Variants in TRIM45 observed in about 807,000 individuals in gnomAD.
TRIM45 encodes tripartite motif containing 45.
Under a neutral mutation model 46.7 loss-of-function variants are expected in TRIM45, and 45 were observed. The observed-to-expected ratio is 0.96, with a 90% confidence interval of 0.76 to 1.24. TRIM45 has a LOEUF of 1.24. Among genes scored for constraint, TRIM45 ranks in the 50% most tolerant of loss-of-function variants. TRIM45 has a pLI of 0.00. For synonymous variants in TRIM45, 259 were observed against 285.8 expected, an observed-to-expected ratio of 0.91 and a Z score of 0.94; for missense variants, 680 against 728.4, an observed-to-expected ratio of 0.93 and a Z score of 0.77.
chr1:117,120,729 CAGAAGTGGCAG>C lies in TRIM45; in HGVS notation c.462_472del (p.Cys155LeufsTer5). 1.2e-6 allele frequency: 2 copies of C among 1,607,220 alleles called. No homozygotes were observed. Among genetic ancestry groups the C allele is most frequent in the Non-Finnish European group, 1.7e-6 (2 of 1,175,866 alleles). On this transcript the variant is annotated frameshift_variant, in exon 1 of 6. Transcript: ENST00000256649. LOFTEE classifies it high-confidence loss of function. ...CCATCTTTACCTATGAGCCTGGCAG[CAGAAGTGGCAG>C]AGGTTGGCTTTGCAGGTCTGACACC...
chr1:117,119,294 A>G (rs1275117242), intron 1 of TRIM45, among the ~76,000 whole-genome samples: 1 of 152,216 alleles, frequency 6.6e-6, no homozygotes, highest in East Asian at 1.9e-4. Context: ...TTCAAGAGAC[A>G]TCGTCAACAT....
At position 117,120,721 on chromosome 1, in the gene TRIM45, C is replaced by T. The variant is rs753686749; in HGVS notation, c.481G>A (p.Ala161Thr). The change falls in exon 1 of 6, where the codon GCT becomes ACT. Residue 161 changes from alanine to threonine, a missense_variant. Ala to Thr is a moderately conservative substitution (Grantham distance 58). This residue lies in a region of TRIM45 where 349 missense variants were observed against 343.6 expected (regional missense o/e 1.02). Transcript: ENST00000256649. ...KANLCHFCCQAHRRQKKTTYH... is the reference protein window; with the variant it reads ...KANLCHFCCQTHRRQKKTTYH... ...GGAGTGTCCCATCTTTACCTATGAG[C>T]CTGGCAGCAGAAGTGGCAGAGGTTG... 4 of 1,603,564 alleles carry T rather than the reference C, an allele frequency of 2.5e-6. No homozygotes were observed. The highest frequency in any genetic ancestry group is 1.7e-4 in the Middle Eastern group (1 of 6,032).
At position 117,117,577 on chromosome 1, in the gene TRIM45, T is replaced by C. The variant is rs1650448227; in HGVS notation, c.1222+457A>G. Reference sequence around the variant, plus strand: ...CTTTTAAATGCCAGTAAAGTTGATGTGAACCAAAAAGGGCCTAAAGGAAAG... The same window carrying C: ...CTTTTAAATGCCAGTAAAGTTGATGCGAACCAAAAAGGGCCTAAAGGAAAG... On this transcript the variant is annotated intron_variant, in intron 2 of 5. Coordinates refer to ENST00000256649, the MANE Select transcript of TRIM45 (RefSeq NM_025188.4). The surrounding 1 kb of genome is among the most constrained non-coding windows in gnomAD (Gnocchi z 4.9). 6.6e-6 allele frequency among the ~76,000 whole-genome samples: 1 copy of C among 152,192 alleles called. No individual in the cohort carries two copies. Among genetic ancestry groups the C allele is most frequent in the Non-Finnish European group, 1.5e-5 (1 of 68,038 alleles).
In TRIM45 at chr1:117,113,421, C is replaced by T. The variant is rs1409211803; in HGVS notation, c.1532G>A (p.Cys511Tyr). Residue 511 changes from cysteine to tyrosine, a missense_variant, in exon 5 of 6, where the codon TGC becomes TAC. Physicochemically the swap from Cys to Tyr is radical, Grantham distance 194 (BLOSUM62 -2). Around this residue, in one of 3 missense-constraint regions of TRIM45, gnomAD observed 322 missense variants for 359.3 expected, o/e 0.90. Transcript: ENST00000256649. The surrounding 1 kb of genome is among the most constrained non-coding windows in gnomAD (Gnocchi z 4.0). ...CTGGCCCCCGCTGGAGCAGAAGGTG[C>T]AGCAGTGAAACACGCCTGAGTGTGG... Reference protein sequence around the residue: ...HRPHSGVFHCCTFCSSGGQKT... With the variant: ...HRPHSGVFHCYTFCSSGGQKT... The T allele has an allele frequency of 3.7e-5, 59 of 1,612,434 alleles. No homozygotes were observed. The highest frequency in any genetic ancestry group is 4.7e-5 in the Non-Finnish European group (56 of 1,179,988).
In TRIM45 at chr1:117,113,299, G is replaced by A. The variant is rs1483569002; in HGVS notation, c.1594+60C>T. Reference sequence around the variant, plus strand: ...TCTAGTGGCTGTGTGGTAGGGAAGGGCCCGTCGCTTGATTCCCACTGCTGG... The same window carrying A: ...TCTAGTGGCTGTGTGGTAGGGAAGGACCCGTCGCTTGATTCCCACTGCTGG... On this transcript the variant is annotated intron_variant, in intron 5 of 5. Transcript: ENST00000256649. The surrounding 1 kb of genome is among the most constrained non-coding windows in gnomAD (Gnocchi z 4.0). The A allele has an allele frequency of 1.3e-6, 2 of 1,592,378 alleles. No homozygotes were observed. Among genetic ancestry groups the A allele is most frequent in the African/African-American group, 2.7e-5 (2 of 74,638 alleles).
In TRIM45 at chr1:117,121,113, G is replaced by A. The variant is rs1223225596; in HGVS notation, c.89C>T (p.Pro30Leu). Residue 30 changes from proline to leucine, a missense_variant, in exon 1 of 6, where the codon CCC (proline) becomes CTC (leucine). By Grantham distance (98) the Pro-to-Leu change is moderately conservative. This residue lies in a region of TRIM45 where 349 missense variants were observed against 343.6 expected (regional missense o/e 1.02). Coordinates refer to ENST00000256649, the MANE Select transcript of TRIM45 (RefSeq NM_025188.4). The surrounding 1 kb of genome is among the most constrained non-coding windows in gnomAD (Gnocchi z 4.2). The part of the protein sequence containing the change: ...ALGNSGKTHC[P>L]LCLGLFKAPR... ...GGCTTTGAAAAGCCCCAAGCACAGGGGGCAGTGAGTCTTGCCTGAGTTCCC... is the reference window on the plus strand; with the variant it reads ...GGCTTTGAAAAGCCCCAAGCACAGGAGGCAGTGAGTCTTGCCTGAGTTCCC... The A allele has an allele frequency of 6.2e-7, 1 of 1,613,158 alleles. No individual in the cohort carries two copies. Among genetic ancestry groups the A allele is most frequent in the African/African-American group, 1.3e-5 (1 of 74,920 alleles).
chr1:117,118,546 G>C lies in TRIM45; in HGVS notation c.710C>G (p.Ser237Cys). The C allele has an allele frequency of 1.9e-6, 3 of 1,614,200 alleles. No homozygotes were observed. Among genetic ancestry groups the C allele is most frequent in the Middle Eastern group, 1.6e-4 (1 of 6,062 alleles). The change falls in exon 2 of 6, where the codon TCT becomes TGT. Residue 237 changes from serine to cysteine, a missense_variant. Physicochemically the swap from Ser to Cys is moderately radical, Grantham distance 112. This residue lies in a region of TRIM45 where 349 missense variants were observed against 343.6 expected (regional missense o/e 1.02). Coordinates refer to ENST00000256649, the MANE Select transcript of TRIM45 (RefSeq NM_025188.4). This position sits in a 1 kb window ranked among gnomAD's most constrained non-coding sequence, Gnocchi z 5.7. ...AGTACCTTTGAGGAGCTCCCACACA[G>C]AGTCCCCATGCTTGTGGATGACATT... ...TSNVIHKHGD[S>C]VWELLKGTQP...
chr1:117,112,239 G>C lies in TRIM45; in HGVS notation c.*66C>G. On this transcript the variant is annotated 3_prime_UTR_variant, in exon 6 of 6. Transcript: ENST00000256649. ...TATCAGTCTCTTTAGAATGAACGAA[G>C]GTCTGGGTCCTCTGGAAATCTCAAG... 1 of 1,432,604 alleles carries C rather than the reference G, an allele frequency of 7.0e-7. No homozygotes were observed. The highest frequency in any genetic ancestry group is 9.2e-7 in the Non-Finnish European group (1 of 1,085,956). 88.7% of individuals were successfully genotyped at this position (1,432,604 alleles called of 1,614,324 possible).
rs1336231810 is a variant in TRIM45 at position 117,117,293 on chromosome 1, G to A, written c.1223-548C>T. 6.6e-6 allele frequency among the ~76,000 whole-genome samples: 1 copy of A among 152,158 alleles called. No individual in the cohort carries two copies. The highest frequency in any genetic ancestry group is 1.5e-5 in the Non-Finnish European group (1 of 68,034). ...TTCATGAACTACTATGAGGTCTATGGAAAGGCTTATGAAGAGTCTAAAAAT... is the reference window on the plus strand; with the variant it reads ...TTCATGAACTACTATGAGGTCTATGAAAAGGCTTATGAAGAGTCTAAAAAT... On this transcript the variant is annotated intron_variant, in intron 2 of 5. Transcript: ENST00000256649. The surrounding 1 kb of genome is among the most constrained non-coding windows in gnomAD (Gnocchi z 4.9).
In TRIM45 at chr1:117,118,422, C is replaced by G. The variant is rs770945830; in HGVS notation, c.834G>C (p.Arg278=). 6 of 1,614,180 alleles carry G rather than the reference C, an allele frequency of 3.7e-6. No individual in the cohort carries two copies. The highest frequency in any genetic ancestry group is 4.2e-6 in the Non-Finnish European group (5 of 1,180,036). ...CCTTAATGTAGCCCTCCGAGAATGT[C>G]CGGACATCAGCTGCCACTGCCTCCA... ...KRVEAVAADV[R]TFSEGYIKAI... Residue 278 remains arginine, a synonymous_variant, in exon 2 of 6, where the codon CGG becomes CGC. Coordinates refer to ENST00000256649, the MANE Select transcript of TRIM45 (RefSeq NM_025188.4). This position sits in a 1 kb window ranked among gnomAD's most constrained non-coding sequence, Gnocchi z 5.7.
rs1234274355 is a variant in TRIM45 at position 117,117,545 on chromosome 1, C to T, written c.1222+489G>A. On this transcript the variant is annotated intron_variant, in intron 2 of 5. Transcript: ENST00000256649. This position sits in a 1 kb window ranked among gnomAD's most constrained non-coding sequence, Gnocchi z 4.9. ...TTCCCCCAATTAAATGAAACACCTA[C>T]CATATCCTTTTAAATGCCAGTAAAG... 6.6e-6 allele frequency among the ~76,000 whole-genome samples: 1 copy of T among 152,174 alleles called. No individual in the cohort carries two copies. The highest frequency in any genetic ancestry group is 1.5e-5 in the Non-Finnish European group (1 of 68,036).
rs1229218173 is a variant in TRIM45 at position 117,120,802 on chromosome 1, C to A, written c.400G>T (p.Val134Leu). The A allele has an allele frequency of 1.9e-6, 3 of 1,614,058 alleles. No homozygotes were observed. The highest frequency in any genetic ancestry group is 1.3e-5 in the African/African-American group (1 of 74,918). The part of the protein sequence containing the change: ...ESLRGEGQGL[V>L]CDLCNDREVE... The stretch of plus-strand genomic sequence containing the variant: ...TCCCTGTCGTTGCACAGGTCACACA[C>A]CAGGCCCTGGCCTTCCCCACGTAGG... The change falls in exon 1 of 6, where the codon GTG becomes TTG. Residue 134 changes from valine (V) to leucine (L), a missense_variant. Around this residue, in one of 3 missense-constraint regions of TRIM45, gnomAD observed 349 missense variants for 343.6 expected, o/e 1.02. Transcript: ENST00000256649.
At position 117,113,444 on chromosome 1, in the gene TRIM45, T is replaced by A. The variant is rs558286445; in HGVS notation, c.1509A>T (p.Pro503=). The stretch of plus-strand genomic sequence containing the variant: ...TGCAGCAGTGAAACACGCCTGAGTG[T>A]GGGCGGTGCTTTCTCCTCACCATCA... ...FTVMVRRKHR[P]HSGVFHCCTF... Residue 503 remains proline (P), a synonymous_variant, in exon 5 of 6, where the codon CCA becomes CCT. Transcript: ENST00000256649. This position sits in a 1 kb window ranked among gnomAD's most constrained non-coding sequence, Gnocchi z 4.0. 1 of 1,612,782 alleles carries A rather than the reference T, an allele frequency of 6.2e-7. No individual in the cohort carries two copies. Among genetic ancestry groups the A allele is most frequent in the South Asian group, 1.1e-5 (1 of 91,010 alleles).
Position 117,120,987 on chromosome 1 carries a change from C to G in TRIM45, c.215G>C (p.Ser72Thr). The part of the protein sequence containing the change: ...VDIRGGDSDT[S>T]SEGSIFQELK... ...TTCCTGGAATATTGACCCCTCAGAG[C>G]TTGTGTCAGAGTCTCCCCCTCGGAT... Residue 72 changes from serine to threonine, a missense_variant, in exon 1 of 6, where the codon AGC becomes ACC. Physicochemically the swap from Ser to Thr is moderately conservative, Grantham distance 58. Transcript: ENST00000256649. 3.7e-6 allele frequency: 6 copies of G among 1,614,210 alleles called. No homozygotes were observed. The highest frequency in any genetic ancestry group is 5.1e-6 in the Non-Finnish European group (6 of 1,180,038).
rs762687418 is a variant in TRIM45 at position 117,118,546 on chromosome 1, G to A, written c.710C>T (p.Ser237Phe). ...TSNVIHKHGD[S>F]VWELLKGTQP... ...AGTACCTTTGAGGAGCTCCCACACAGAGTCCCCATGCTTGTGGATGACATT... is the reference window on the plus strand; with the variant it reads ...AGTACCTTTGAGGAGCTCCCACACAAAGTCCCCATGCTTGTGGATGACATT... The change falls in exon 2 of 6, where the codon TCT (serine) becomes TTT (phenylalanine). Residue 237 changes from serine to phenylalanine, a missense_variant. Ser to Phe is a radical substitution (Grantham distance 155, BLOSUM62 -2). Transcript: ENST00000256649. This position sits in a 1 kb window ranked among gnomAD's most constrained non-coding sequence, Gnocchi z 5.7. 1.9e-6 allele frequency: 3 copies of A among 1,614,200 alleles called. No homozygotes were observed. The highest frequency in any genetic ancestry group is 2.5e-6 in the Non-Finnish European group (3 of 1,180,032).
At position 117,115,629 on chromosome 1, in the gene TRIM45, G is replaced by A. The variant is rs757522289; in HGVS notation, c.1413C>T (p.Pro471=). 1.9e-6 allele frequency: 3 copies of A among 1,614,088 alleles called. No individual in the cohort carries two copies. The South Asian group carries it at 3.3e-5, about 18-fold the overall frequency. The part of the protein sequence containing the change: ...KDGTYYISYT[P]KEPGVYTVWV... ...ACACAGTATAGACGCCAGGTTCCTT[G>A]GGGGTGTAGGAAATGTAGTATGTCC... Residue 471 remains proline, a synonymous_variant, in exon 4 of 6, where the codon CCC becomes CCT. Coordinates refer to ENST00000256649, the MANE Select transcript of TRIM45 (RefSeq NM_025188.4). The surrounding 1 kb of genome is among the most constrained non-coding windows in gnomAD (Gnocchi z 4.2).
chr1:117,122,525 C>CT (rs1340641177), upstream of TRIM45: 1 of 152,238 alleles, frequency 6.6e-6, no homozygotes, highest in Non-Finnish European at 1.5e-5. Context: ...TTTTCCGGTC[C>CT]GGGGGGAGTG....
upstream of TRIM45, chr1:117,122,529 G>A (rs1650696731): frequency 6.6e-6 from 1 of 152,346 alleles, no homozygotes; most frequent in African/African-American, 2.4e-5. Flanking sequence ...CCGGTCCGGG[G>A]GGAGTGCAGA....
Position 117,112,359 on chromosome 1 carries a change from T to C in TRIM45, c.1689A>G (p.Thr563=), listed in dbSNP as rs112655636. 5 of 1,614,184 alleles carry C rather than the reference T, an allele frequency of 3.1e-6. No homozygotes were observed. The highest frequency in any genetic ancestry group is 3.3e-4 in the Middle Eastern group (2 of 6,062). Residue 563 remains threonine, a synonymous_variant, in exon 6 of 6, where the codon ACA becomes ACG. Coordinates refer to ENST00000256649, the MANE Select transcript of TRIM45 (RefSeq NM_025188.4). ...TCGGTGCGCTCTGCCCACCTGTCCATGTGCATTCAGATTTCTCATTAAATT... is the reference window on the plus strand; with the variant it reads ...TCGGTGCGCTCTGCCCACCTGTCCACGTGCATTCAGATTTCTCATTAAATT... ...CGKFNEKSEC[T]WTGGQSAPRS...
Sources: allele counts gnomAD v4.1 joint callset (sites outside exome capture counted in the v4.1 genomes callset), GRCh38; gene constraint gnomAD v4.1.1; regional missense constraint gnomAD v4.1.1; non-coding constraint Gnocchi (gnomAD v3.1); transcripts MANE v1.5; gene names NCBI Gene and HGNC (gene_info 2026-07-23, HGNC 2026-07-21).